PKIB: variants seen among roughly 807,000 people sequenced by gnomAD.
The protein encoded by PKIB is PKI-beta.
A neutral mutation model predicts 4.5 loss-of-function variants in PKIB; 2 were observed. The ratio of observed to expected loss-of-function variants is 0.44; its 90% CI spans 0.18 to 1.39. PKIB has a LOEUF of 1.39. PKIB is among the 40% of genes most tolerant of loss of function. PKIB has a pLI of 0.27. For synonymous variants in PKIB, 38 were observed against 36.0 expected (o/e 1.06, Z -0.20); for missense variants, 94 against 92.6 (o/e 1.02, Z -0.06).
intron 1 of PKIB, among the ~76,000 whole-genome samples, chr6:122,629,444 G>GAGA (rs10660965): frequency 0.6 from 90,528 of 151,646 alleles, 28,614 homozygotes; most frequent in Non-Finnish European, 0.71. Flanking sequence ...ATAAATAAAT[G>GAGA]AGAAGAGATA....
chr6:122,520,949 TAGTC>T (rs1162035461), intron 2 of PKIB, among the ~76,000 whole-genome samples: 1 of 152,180 alleles, frequency 6.6e-6, no homozygotes, highest in Non-Finnish European at 1.5e-5. Context: ...GAAGAAGTGA[TAGTC>T]AGTTGGCGAG....
intron 3 of PKIB, among the ~76,000 whole-genome samples, chr6:122,698,576 A>G (rs1400405016): frequency 6.6e-6 from 1 of 152,182 alleles, no homozygotes; most frequent in Non-Finnish European, 1.5e-5. Flanking sequence ...TCAGAAGCCC[A>G]TGAGCAACTT....
chr6:122,524,329 C>T (rs1299259525), intron 2 of PKIB, among the ~76,000 whole-genome samples: 1 of 148,258 alleles, frequency 6.7e-6, no homozygotes, highest in African/African-American at 2.5e-5. Context: ...TCTTCCTCCT[C>T]CTCCTTCTTC....
At chr6:122,567,216 C>A (rs893783882) in intron 2 of PKIB, among the ~76,000 whole-genome samples, 1 of 152,176 alleles carries the variant, frequency 6.6e-6, no homozygotes, top group Non-Finnish European at 1.5e-5. Context: ...AGGCATTTCT[C>A]TCCGAGTGTG....
At chr6:122,513,118 C>T (rs1253026883) in intron 2 of PKIB, among the ~76,000 whole-genome samples, 3 of 152,082 alleles carry the variant, frequency 2.0e-5, no homozygotes, top group African/African-American at 2.4e-5. Flanking sequence ...TGTGGTAGAC[C>T]ATATTATCAT....
intron 2 of PKIB, among the ~76,000 whole-genome samples, chr6:122,525,444 C>T (rs796821551): frequency 2.0e-5 from 3 of 152,156 alleles, no homozygotes; most frequent in African/African-American, 7.2e-5. Context: ...AATGTATATT[C>T]TGCTGCTGTT....
intron 3 of PKIB, among the ~76,000 whole-genome samples, chr6:122,598,511 C>T (rs186180479): frequency 6.6e-6 from 1 of 152,268 alleles, no homozygotes; most frequent in East Asian, 1.9e-4. Flanking sequence ...CGGTTCCCAC[C>T]ATTAGATCTG....
chr6:122,650,176 T>G (rs1050730529), intron 2 of PKIB, among the ~76,000 whole-genome samples: 1 of 152,142 alleles, frequency 6.6e-6, no homozygotes, highest in Non-Finnish European at 1.5e-5. Context: ...TTAGAAAGGA[T>G]ATGTCTAACA....
chr6:122,497,537 A>T (rs1330247747), intron 2 of PKIB, among the ~76,000 whole-genome samples: 1 of 152,212 alleles, frequency 6.6e-6, no homozygotes, highest in Non-Finnish European at 1.5e-5. Context: ...TCTATCATGT[A>T]AGTGGAAAAC....
chr6:122,724,096 T>C (rs1166337734), intron 4 of PKIB, among the ~76,000 whole-genome samples: 1 of 152,080 alleles, frequency 6.6e-6, no homozygotes, highest in African/African-American at 2.4e-5. Flanking sequence ...ACCTAAATAG[T>C]TTCACTTAAA....
At chr6:122,572,592 T>A (rs1038705041) in intron 2 of PKIB, among the ~76,000 whole-genome samples, 16 of 109,894 alleles carry the variant, frequency 1.5e-4, no homozygotes, top group East Asian at 2.7e-4. Flanking sequence ...ACAAAGCAAA[T>A]CCAAATGTAG....
At chr6:122,646,147 A>T (rs2114863370) in intron 2 of PKIB, among the ~76,000 whole-genome samples, 1 of 152,332 alleles carries the variant, frequency 6.6e-6, no homozygotes, top group South Asian at 2.1e-4. Context: ...AAAGTATAAA[A>T]TGAAAGAATT....
chr6:122,708,986 C>T lies in PKIB; in HGVS notation c.-8-8801C>T, dbSNP rs115405637. Among the ~76,000 whole-genome samples, 466 of 152,240 alleles carry T rather than the reference C, an allele frequency of 3.1e-3. 3 individuals carry two copies. The highest frequency in any genetic ancestry group is 0.011 in the African/African-American group (437 of 41,544). On this transcript the variant is annotated intron_variant, in intron 3 of 4. Transcript: ENST00000368452. The stretch of plus-strand genomic sequence containing the variant: ...ACATCAGAGGCTGTCTCTAGAGCCA[C>T]GTCAACACTGTTGCTTAAAAGAATA...
At chr6:122,703,937 TATATAGAG>T (rs1395589424) in intron 3 of PKIB, among the ~76,000 whole-genome samples, 11 of 130,386 alleles carry the variant, frequency 8.4e-5, no homozygotes, top group African/African-American at 2.0e-4. Flanking sequence ...TATATATATA[TATATAGAG>T]AGAGAGAGAG....
At chr6:122,507,780 G>T (rs748842399) in intron 2 of PKIB, among the ~76,000 whole-genome samples, 2 of 151,072 alleles carry the variant, frequency 1.3e-5, no homozygotes, top group Non-Finnish European at 2.9e-5. Context: ...CCTCTTTCCC[G>T]TGTAATAACT....
At chr6:122,566,254 A>G (rs535728137) in intron 2 of PKIB, among the ~76,000 whole-genome samples, 1 of 152,310 alleles carries the variant, frequency 6.6e-6, no homozygotes, top group South Asian at 2.1e-4. Context: ...ACCAGTGTTC[A>G]TCACTGTCAT....
chr6:122,554,392 A>C (rs1772777345), intron 2 of PKIB, among the ~76,000 whole-genome samples: 1 of 152,204 alleles, frequency 6.6e-6, no homozygotes, highest in Non-Finnish European at 1.5e-5. Context: ...GTTCAATAGA[A>C]ATATAATGTT....
chr6:122,567,848 G>A (rs918221483), intron 2 of PKIB, among the ~76,000 whole-genome samples: 5 of 152,130 alleles, frequency 3.3e-5, no homozygotes, highest in Non-Finnish European at 7.4e-5. Context: ...CCTCTAGAGA[G>A]AAGGAGGTTA....
intron 3 of PKIB, among the ~76,000 whole-genome samples, chr6:122,692,567 A>G (rs535412468): frequency 6.6e-6 from 1 of 151,322 alleles, no homozygotes; most frequent in South Asian, 2.1e-4. Flanking sequence ...CAGGCTTGCG[A>G]CTCACCCTTC....
Sources: gnomAD v4.1 joint callset for allele counts (sites outside exome capture counted in the v4.1 genomes callset) on GRCh38, gnomAD v4.1.1 for gene constraint, MANE v1.5 for transcripts, NCBI Gene and HGNC (gene_info 2026-07-23, HGNC 2026-07-21) for gene names.